P2RY2: variants seen among roughly 807,000 people sequenced by gnomAD.
P2RY2 encodes the protein purinergic receptor P2Y2.
For synonymous variants in P2RY2, 241 were observed against 231.9 expected (o/e 1.04, Z -0.35); for missense variants, 567 against 515.7 (o/e 1.10, Z -0.96).
chr11:73,233,353 A>G (rs1416675483), intron 2 of P2RY2, among the ~76,000 whole-genome samples: 5 of 152,264 alleles, frequency 3.3e-5, no homozygotes, highest in Non-Finnish European at 5.9e-5. Flanking sequence ...AACACTAGGC[A>G]TGGGCCCAGA....
intron 2 of P2RY2, among the ~76,000 whole-genome samples, chr11:73,231,636 C>T (rs1317477925): frequency 1.3e-5 from 2 of 152,012 alleles, no homozygotes; most frequent in African/African-American, 2.4e-5. Flanking sequence ...TAATCTCAGC[C>T]TCTTGGGCCT....
intron 2 of P2RY2, among the ~76,000 whole-genome samples, chr11:73,229,417 GC>G (rs1050013142): frequency 2.6e-4 from 39 of 152,274 alleles, no homozygotes; most frequent in Non-Finnish European, 3.5e-4. Flanking sequence ...GTCAGGTGGA[GC>G]CGTCTCTAGT....
intron 2 of P2RY2, 182 bp from the exon 3 acceptor site, chr11:73,233,974 C>T (rs1862535989): frequency 2.9e-6 from 2 of 689,704 alleles, no homozygotes; most frequent in Non-Finnish European, 4.7e-6. Context: ...TCAAGTTTGA[C>T]AATTGTGTGA....
chr11:73,226,882 C>A (rs1862293346), intron 1 of P2RY2, among the ~76,000 whole-genome samples: 1 of 152,120 alleles, frequency 6.6e-6, no homozygotes, highest in Non-Finnish European at 1.5e-5. Context: ...GAGGCTTGGG[C>A]CTCAGTTTCC....
At chr11:73,221,667 C>A (rs371065481) in intron 1 of P2RY2, among the ~76,000 whole-genome samples, 21 of 152,286 alleles carry the variant, frequency 1.4e-4, no homozygotes, top group African/African-American at 4.6e-4. Context: ...GCTTGCTATA[C>A]CCTCTGGGCC....
In P2RY2 at chr11:73,235,085, C is replaced by T; in HGVS notation, c.926C>T (p.Ala309Val). ...SCLDPVLYFL[A>V]GQRLVRFARD... ...CTTGACCCCGTGCTCTACTTCCTGG[C>T]TGGGCAGAGGCTCGTACGCTTTGCC... The change falls in exon 3 of 3, where the codon GCT (alanine) becomes GTT (valine). Residue 309 changes from alanine (A) to valine (V), a missense_variant. Ala to Val is a moderately conservative substitution (Grantham distance 64, BLOSUM62 0). Coordinates refer to ENST00000393597, the MANE Select transcript of P2RY2 (RefSeq NM_002564.4). 1.2e-6 allele frequency: 2 copies of T among 1,608,022 alleles called. No homozygotes were observed. The highest frequency in any genetic ancestry group is 1.7e-6 in the Non-Finnish European group (2 of 1,179,220).
At position 73,234,952 on chromosome 11, in the gene P2RY2, C is replaced by G. The variant is rs148618782; in HGVS notation, c.793C>G (p.Arg265Gly). Residue 265 changes from arginine to glycine, a missense_variant, in exon 3 of 3, where the codon CGC becomes GGC. Transcript: ENST00000393597. ...ALCFLPFHVT[R>G]TLYYSFRSLD... is the part of the protein sequence containing the mutation. ...CTGCTTCCTGCCATTCCACGTCACC[C>G]GCACCCTCTACTACTCCTTCCGCTC... 6.2e-7 allele frequency: 1 copy of G among 1,610,842 alleles called. No homozygotes were observed. Among genetic ancestry groups the G allele is most frequent in the Middle Eastern group, 1.6e-4 (1 of 6,062 alleles).
intron 2 of P2RY2, among the ~76,000 whole-genome samples, chr11:73,230,109 T>C (rs1424345650): frequency 6.6e-6 from 1 of 151,980 alleles, no homozygotes; most frequent in Non-Finnish European, 1.5e-5. Context: ...AGCTCCTTAG[T>C]CTCGCAAGGG....
In P2RY2 at chr11:73,223,600, A is replaced by C. The variant is rs373738456; in HGVS notation, c.-199-4381A>C. Among the ~76,000 whole-genome samples, 7 of 152,182 alleles carry C rather than the reference A, an allele frequency of 4.6e-5. No homozygotes were observed. The East Asian group carries it at 1.3e-3, about 29-fold the overall frequency. ...GACCACTGAAGAACCCGAGGCTCTG[A>C]GAAGGGGGGCTGACTTCACCAAGAC... is the stretch of plus-strand genomic sequence containing the variant. On this transcript the variant is annotated intron_variant, in intron 1 of 2. Coordinates refer to ENST00000393597, the MANE Select transcript of P2RY2 (RefSeq NM_002564.4).
In P2RY2 at chr11:73,238,247, G is replaced by A. The variant is rs1862700806; in HGVS notation, c.*2954G>A. Among the ~76,000 whole-genome samples, 1 of 152,198 alleles carries A rather than the reference G, an allele frequency of 6.6e-6. No homozygotes were observed. Among genetic ancestry groups the A allele is most frequent in the African/African-American group, 2.4e-5 (1 of 41,444 alleles). ...TGAGGCCAGGGACAGGACAGGGATGGGAGGAAAGGGAGGGTAGAGAGTTGA... is the reference window on the plus strand; with the variant it reads ...TGAGGCCAGGGACAGGACAGGGATGAGAGGAAAGGGAGGGTAGAGAGTTGA... On this transcript the variant is annotated 3_prime_UTR_variant, in exon 3 of 3. Coordinates refer to ENST00000393597, the MANE Select transcript of P2RY2 (RefSeq NM_002564.4).
In P2RY2 at chr11:73,234,249, C is replaced by T. The variant is rs747897260; in HGVS notation, c.90C>T (p.Asp30=). 4 of 1,614,208 alleles carry T rather than the reference C, an allele frequency of 2.5e-6. No individual in the cohort carries two copies. Among genetic ancestry groups the T allele is most frequent in the Middle Eastern group, 1.6e-4 (1 of 6,062 alleles). The part of the protein sequence containing the change: ...ELGYRCRFNE[D]FKYVLLPVSY... ...GCTACAGGTGCCGCTTCAACGAGGA[C>T]TTCAAGTACGTGCTGCTGCCTGTGT... Residue 30 remains aspartate (D), a synonymous_variant, in exon 3 of 3, where the codon GAC becomes GAT. Coordinates refer to ENST00000393597, the MANE Select transcript of P2RY2 (RefSeq NM_002564.4).
In P2RY2 at chr11:73,234,870, T is replaced by C; in HGVS notation, c.711T>C (p.Pro237=). The C allele has an allele frequency of 6.2e-7, 1 of 1,610,756 alleles. No individual in the cohort carries two copies. Among genetic ancestry groups the C allele is most frequent in the Non-Finnish European group, 8.5e-7 (1 of 1,179,978 alleles). Residue 237 remains proline, a synonymous_variant, in exon 3 of 3, where the codon CCT becomes CCC. Coordinates refer to ENST00000393597, the MANE Select transcript of P2RY2 (RefSeq NM_002564.4). ...CCTACGGGACCTCGGGCGGCCTGCCTAGGGCCAAGCGCAAGTCCGTGCGCA... is the reference window on the plus strand; with the variant it reads ...CCTACGGGACCTCGGGCGGCCTGCCCAGGGCCAAGCGCAAGTCCGTGCGCA... ...KPAYGTSGGL[P]RAKRKSVRTI... is the part of the protein sequence containing the mutation.
chr11:73,235,098 C>T lies in P2RY2; in HGVS notation c.939C>T (p.Leu313=), dbSNP rs182109065. ...TCTACTTCCTGGCTGGGCAGAGGCT[C>T]GTACGCTTTGCCCGAGATGCCAAGC... ...PVLYFLAGQR[L]VRFARDAKPP... The change falls in exon 3 of 3, where the codon CTC becomes CTT. Residue 313 remains leucine, a synonymous_variant. Coordinates refer to ENST00000393597, the MANE Select transcript of P2RY2 (RefSeq NM_002564.4). 13 of 1,606,894 alleles carry T rather than the reference C, an allele frequency of 8.1e-6. No individual in the cohort carries two copies. The highest frequency in any genetic ancestry group is 1.0e-5 in the Non-Finnish European group (12 of 1,178,790).
chr11:73,223,154 C>T (rs776413990), intron 1 of P2RY2, among the ~76,000 whole-genome samples: 4 of 152,202 alleles, frequency 2.6e-5, no homozygotes, highest in Non-Finnish European at 4.4e-5. Context: ...AATTAGACTG[C>T]GAGAACCAGG....
At chr11:73,225,657 G>A (rs1974427) in intron 1 of P2RY2, among the ~76,000 whole-genome samples, 83,631 of 126,894 alleles carry the variant, frequency 0.66, 27,321 homozygotes, top group East Asian at 0.81. Flanking sequence ...TGGCTATGCC[G>A]TTTGCTAATT....
intron 1 of P2RY2, among the ~76,000 whole-genome samples, chr11:73,219,152 G>C (rs1282537506): frequency 6.6e-6 from 1 of 152,196 alleles, no homozygotes; most frequent in Non-Finnish European, 1.5e-5. Flanking sequence ...GGATTTGTGG[G>C]GTCCATGGCT....
In P2RY2 at chr11:73,234,774, G is replaced by A. The variant is rs760936171; in HGVS notation, c.615G>A (p.Leu205=). ...CCTACAGCTCAGTCATGCTGGGCCT[G>A]CTCTTCGCGGTGCCCTTTGCCGTCA... The part of the protein sequence containing the change: ...FVAYSSVMLG[L]LFAVPFAVIL... The change falls in exon 3 of 3, where the codon CTG becomes CTA. Residue 205 remains leucine (L), a synonymous_variant. Transcript: ENST00000393597. 5 of 1,611,502 alleles carry A rather than the reference G, an allele frequency of 3.1e-6. No homozygotes were observed. Among genetic ancestry groups the A allele is most frequent in the Non-Finnish European group, 4.2e-6 (5 of 1,179,942 alleles).
chr11:73,228,800 A>G (rs1591632582), intron 2 of P2RY2, among the ~76,000 whole-genome samples: 1 of 152,294 alleles, frequency 6.6e-6, no homozygotes, highest in African/African-American at 2.4e-5. Flanking sequence ...TCAGAGGAGC[A>G]AGTAATTTGT....
At chr11:73,230,425 G>A (rs1862416997) in intron 2 of P2RY2, among the ~76,000 whole-genome samples, 2 of 152,016 alleles carry the variant, frequency 1.3e-5, no homozygotes, top group Non-Finnish European at 2.9e-5. Context: ...TTCTGGAAAA[G>A]GCCACCGCTA....
Sources: allele counts gnomAD v4.1 joint callset (sites outside exome capture counted in the v4.1 genomes callset), GRCh38; gene constraint gnomAD v4.1.1; transcripts MANE v1.5; gene names NCBI Gene and HGNC (gene_info 2026-07-23, HGNC 2026-07-21).